Variants in SPATA13 observed in about 807,000 individuals in gnomAD.
SPATA13 encodes spermatogenesis associated 13.
SPATA13 carries 50 observed loss-of-function variants against 104.0 expected under a neutral mutation model. The observed-to-expected ratio is 0.48, with a 90% CI of 0.38 to 0.61. The LOEUF is 0.61. SPATA13 is among the 20% of genes least tolerant of loss of function. The pLI is 0.00. For missense variants in SPATA13, 1,524 were observed against 1,690.6 expected, an observed-to-expected ratio of 0.90 and a Z score of 1.73; for synonymous variants, 606 against 667.5, an observed-to-expected ratio of 0.91 and a Z score of 1.42.
intron 4 of SPATA13, among the ~76,000 whole-genome samples, chr13:24,263,147 C>A (rs1374162809): frequency 6.6e-6 from 1 of 152,192 alleles, no homozygotes; most frequent in Admixed American, 6.5e-5. Context: ...CTTTAAGCAT[C>A]CCATAACATC....
At chr13:24,191,132 AT>A (rs1187391342) in intron 1 of SPATA13, among the ~76,000 whole-genome samples, 11 of 152,130 alleles carry the variant, frequency 7.2e-5, no homozygotes, top group Non-Finnish European at 1.6e-4. Context: ...TATTAATTAA[AT>A]TAATTAATTA....
chr13:24,208,017 G>A (rs1870805308), intron 1 of SPATA13, among the ~76,000 whole-genome samples: 1 of 152,234 alleles, frequency 6.6e-6, no homozygotes, highest in African/African-American at 2.4e-5. Context: ...GAGTAATTTA[G>A]GGAAGTTGGA....
intron 1 of SPATA13, among the ~76,000 whole-genome samples, chr13:24,221,350 AGT>A: frequency 6.6e-5 from 10 of 152,214 alleles, no homozygotes; most frequent in African/African-American, 2.2e-4. Context: ...AAAAGTTGGT[AGT>A]CTTTTATGGT....
chr13:24,190,510 T>G lies in SPATA13; in HGVS notation c.-112+29578T>G, dbSNP rs141909591. Reference sequence around the variant, plus strand: ...CATAAAGAACAGGAGGAGGTAAAAATACCACCCTTAACAGGAATTTGGAAG... The same window carrying G: ...CATAAAGAACAGGAGGAGGTAAAAAGACCACCCTTAACAGGAATTTGGAAG... On this transcript the variant is annotated intron_variant, in intron 1 of 12. Coordinates refer to ENST00000382108, the MANE Select transcript of SPATA13 (RefSeq NM_001166271.3). Among the ~76,000 whole-genome samples the G allele has an allele frequency of 3.7e-3, 550 of 150,302 alleles. 3 individuals carry two copies. Among genetic ancestry groups the G allele is most frequent in the African/African-American group, 0.013 (518 of 40,632 alleles).
intron 4 of SPATA13, among the ~76,000 whole-genome samples, chr13:24,276,896 C>G (rs940975822): frequency 6.6e-6 from 1 of 152,112 alleles, no homozygotes; most frequent in Non-Finnish European, 1.5e-5. Flanking sequence ...GGAACTCTGC[C>G]CAGCAGAGCT....
Position 24,223,756 on chromosome 13 carries a change from A to T in SPATA13, c.827A>T (p.Asp276Val). 1.3e-6 allele frequency: 2 copies of T among 1,551,850 alleles called. No homozygotes were observed. Among genetic ancestry groups the T allele is most frequent in the South Asian group, 1.2e-5 (1 of 84,066 alleles). ...FKRKSTSNLA[D>V]LRTAHDARVP... ...CGGAAGTCCACCTCCAATCTTGCAGACCTCAGGACGGCCCATGACGCACGG... is the reference window on the plus strand; with the variant it reads ...CGGAAGTCCACCTCCAATCTTGCAGTCCTCAGGACGGCCCATGACGCACGG... Residue 276 changes from aspartate to valine, a missense_variant, in exon 2 of 13, where the codon GAC becomes GTC. This residue lies in a region of SPATA13 where 1,089 missense variants were observed against 1,135.9 expected (regional missense o/e 0.96). Coordinates refer to ENST00000382108, the MANE Select transcript of SPATA13 (RefSeq NM_001166271.3).
chr13:24,149,944 C>T (rs944638963), intron 3 of SPATA13, among the ~76,000 whole-genome samples: 9 of 151,692 alleles, frequency 5.9e-5, no homozygotes, highest in Non-Finnish European at 1.2e-4. Flanking sequence ...CAGGGGCTGT[C>T]GGGGAGGGAG....
chr13:24,003,140 G>A (rs968658223), intron 2 of SPATA13, among the ~76,000 whole-genome samples: 2 of 152,060 alleles, frequency 1.3e-5, no homozygotes, highest in African/African-American at 4.8e-5. Flanking sequence ...TCTGTCTGTA[G>A]CATTTTCCCC....
intron 4 of SPATA13, among the ~76,000 whole-genome samples, chr13:24,274,839 T>TGGTCG (rs1874859653): frequency 6.6e-6 from 1 of 152,230 alleles, no homozygotes; most frequent in Admixed American, 6.5e-5. Context: ...TGGGAGATGC[T>TGGTCG]GGTCGGGAAC....
intron 3 of SPATA13, among the ~76,000 whole-genome samples, chr13:24,044,358 A>G (rs1197266402): frequency 6.7e-6 from 1 of 149,132 alleles, no homozygotes; most frequent in Non-Finnish European, 1.5e-5. Context: ...TCAGCCTCCC[A>G]AGTAGCTGGG....
In SPATA13 at chr13:24,297,846, C is replaced by A. The variant is rs914875568; in HGVS notation, c.3583+111C>A. 9 of 1,315,004 alleles carry A rather than the reference C, an allele frequency of 6.8e-6. No homozygotes were observed. The African/African-American group carries it at 8.9e-5, about 13-fold the overall frequency. The allele number at this position is 1,315,004 out of a possible 1,614,324, so 81.5% of individuals were successfully genotyped here. ...AGCCTTCTCCCTCAGAGCTGAATCC[C>A]ACCATGGGGAAAGGACAAGGGATCT... On this transcript the variant is annotated intron_variant, in intron 11 of 12. Coordinates refer to ENST00000382108, the MANE Select transcript of SPATA13 (RefSeq NM_001166271.3).
In SPATA13 at chr13:24,085,786, G is replaced by A. The variant is rs185843257; in HGVS notation, c.-112+68085G>A. On this transcript the variant is annotated intron_variant, in intron 3 of 14. Transcript: ENST00000424834. ...TGCCAGCCTCTTGCTTCTGCCAGGCGAGACCCAGAGTTTCATTTAGGGTCC... is the reference window on the plus strand; with the variant it reads ...TGCCAGCCTCTTGCTTCTGCCAGGCAAGACCCAGAGTTTCATTTAGGGTCC... Among the ~76,000 whole-genome samples the A allele has an allele frequency of 9.8e-5, 15 of 152,358 alleles. No homozygotes were observed. In the East Asian group the frequency reaches 2.3e-3, roughly 24 times the overall value.
intron 3 of SPATA13, among the ~76,000 whole-genome samples, chr13:24,040,023 C>T (rs1412919391): frequency 6.6e-6 from 1 of 152,136 alleles, no homozygotes; most frequent in African/African-American, 2.4e-5. Context: ...CAATGTTTGG[C>T]CAATCACAAG....
chr13:24,032,741 C>T (rs959266150), intron 3 of SPATA13, among the ~76,000 whole-genome samples: 20 of 152,332 alleles, frequency 1.3e-4, no homozygotes, highest in African/African-American at 4.3e-4. Context: ...TGTGACTGAA[C>T]TTTTAAATAT....
At chr13:24,207,933 A>G (rs1870797578) in intron 1 of SPATA13, among the ~76,000 whole-genome samples, 1 of 152,206 alleles carries the variant, frequency 6.6e-6, no homozygotes. Context: ...TGGATGTGAT[A>G]ATAGAGGGTA....
chr13:24,204,635 G>A (rs990954546), intron 1 of SPATA13, among the ~76,000 whole-genome samples: 16 of 152,006 alleles, frequency 1.1e-4, no homozygotes, highest in African/African-American at 3.9e-4. Context: ...AGAAATTACT[G>A]TTCTACTTTC....
At position 24,290,719 on chromosome 13, in the gene SPATA13, A is replaced by G. The variant is rs1471910422; in HGVS notation, c.2915A>G (p.Asn972Ser). Residue 972 changes from asparagine (N) to serine (S), a missense_variant, in exon 9 of 13, where the codon AAC (asparagine) becomes AGC (serine). Transcript: ENST00000382108. Reference sequence around the variant, plus strand: ...CCGGGCGCCTGCCTGGAGCTCGCCAACCTCATGAAGCAGGGCAAGTACAGA... The same window carrying G: ...CCGGGCGCCTGCCTGGAGCTCGCCAGCCTCATGAAGCAGGGCAAGTACAGA... ...NHPGACLELA[N>S]LMKQGKYRHF... 23 of 1,614,162 alleles carry G rather than the reference A, an allele frequency of 1.4e-5. No homozygotes were observed. Among genetic ancestry groups the G allele is most frequent in the Non-Finnish European group, 1.7e-5 (20 of 1,180,026 alleles).
chr13:24,295,945 G>A lies in SPATA13; in HGVS notation c.3210+1077G>A, dbSNP rs114954429. ...GATTCAAACCCAAGCAGGCACCCTG[G>A]CTTCAAAGTCCGTGCTGGTGATCAC... On this transcript the variant is annotated intron_variant, in intron 10 of 12. Coordinates refer to ENST00000382108, the MANE Select transcript of SPATA13 (RefSeq NM_001166271.3). 3.8e-3 allele frequency among the ~76,000 whole-genome samples: 578 copies of A among 152,220 alleles called. 2 individuals carry two copies. The highest frequency in any genetic ancestry group is 0.013 in the African/African-American group (543 of 41,520).
rs577514253 is a variant in SPATA13, at chr13:24,249,842, A to C, written c.2019A>C (p.Gln673His). Reference sequence around the variant, plus strand: ...AGGAACTGGACAATCTTCTGACCCAAGTAAGATCTGGTGTGCACTTCCCCA... The same window carrying C: ...AGGAACTGGACAATCTTCTGACCCACGTAAGATCTGGTGTGCACTTCCCCA... ...QTEELDNLLT[Q>H]PASRPPMPAH... Residue 673 changes from glutamine to histidine, a missense_variant and splice_region_variant, in exon 3 of 13, where the codon CAA (glutamine) becomes CAC (histidine). Gln to His is a conservative substitution (Grantham distance 24). Transcript: ENST00000382108. The C allele has an allele frequency of 1.9e-6, 3 of 1,594,640 alleles. No homozygotes were observed. The South Asian group carries it at 3.4e-5, about 18-fold the overall frequency.
Sources: gnomAD v4.1 joint callset for allele counts (sites outside exome capture counted in the v4.1 genomes callset) on GRCh38, gnomAD v4.1.1 for gene constraint, gnomAD v4.1.1 regional missense constraint, MANE v1.5 for transcripts, NCBI Gene and HGNC (gene_info 2026-07-23, HGNC 2026-07-21) for gene names.